PPARD: variants seen among roughly 807,000 people sequenced by gnomAD.
PPARD encodes peroxisome proliferator activated receptor delta, also known as peroxisome proliferator-activated receptor delta.
A neutral mutation model predicts 39.5 loss-of-function variants in PPARD; 6 were observed. That is an observed-to-expected ratio of 0.15 (90% CI 0.08 to 0.30). The LOEUF is 0.30. Ranked by LOEUF, PPARD falls within the 10% of genes least tolerant of loss-of-function variation. PPARD has a pLI of 1.00. For missense variants in PPARD, 397 were observed against 596.8 expected (o/e 0.67, Z 3.49); for synonymous variants, 210 against 231.3 (o/e 0.91, Z 0.83).
At chr6:35,378,930 C>A (rs1027089636) in intron 2 of PPARD, among the ~76,000 whole-genome samples, 1 of 152,086 alleles carries the variant, frequency 6.6e-6, no homozygotes, top group Non-Finnish European at 1.5e-5. Flanking sequence ...GAAGAGAAGG[C>A]AATCGAACCT....
chr6:35,401,151 G>C lies in PPARD; in HGVS notation c.-101-9836G>C, dbSNP rs969516275. Among the ~76,000 whole-genome samples the C allele has an allele frequency of 3.3e-5, 5 of 152,146 alleles. No homozygotes were observed. The highest frequency in any genetic ancestry group is 1.2e-4 in the African/African-American group (5 of 41,432). On this transcript the variant is annotated intron_variant, in intron 2 of 7. Coordinates refer to ENST00000360694, the MANE Select transcript of PPARD (RefSeq NM_006238.5). This position sits in a 1 kb window ranked among gnomAD's most constrained non-coding sequence, Gnocchi z 4.1. ...CTAATTCTGACATTTTACTCAGTGA[G>C]GACACAGGTGGGGCAGCCAGAGAGG... is the stretch of plus-strand genomic sequence containing the variant.
intron 2 of PPARD, among the ~76,000 whole-genome samples, chr6:35,367,442 T>G (rs149132418): frequency 6.6e-6 from 1 of 152,342 alleles, no homozygotes; most frequent in Non-Finnish European, 1.5e-5. Context: ...CGTTCACTTC[T>G]GTTGAAACTC....
At position 35,411,107 on chromosome 6, in the gene PPARD, A is replaced by G; in HGVS notation, c.20A>G (p.Glu7Gly). The G allele has an allele frequency of 6.4e-7, 1 of 1,564,612 alleles. No individual in the cohort carries two copies. Among genetic ancestry groups the G allele is most frequent in the Admixed American group, 1.8e-5 (1 of 54,850 alleles). MEQPQE[E>G]APEVREEEEK... is the part of the protein sequence containing the mutation. Reference sequence around the variant, plus strand: ...TCAGCCATGGAGCAGCCACAGGAGGAAGCCCCTGAGGTCCGGGAAGAGGAG... The same window carrying G: ...TCAGCCATGGAGCAGCCACAGGAGGGAGCCCCTGAGGTCCGGGAAGAGGAG... The change falls in exon 3 of 8, where the codon GAA becomes GGA. Residue 7 changes from glutamate (E) to glycine (G), a missense_variant. Transcript: ENST00000360694.
At chr6:35,355,535 G>A (rs1761525859) in intron 2 of PPARD, among the ~76,000 whole-genome samples, 1 of 112,000 alleles carries the variant, frequency 8.9e-6, no homozygotes, top group South Asian at 3.4e-4. Flanking sequence ...CTGGGTGACA[G>A]AGTAAGGCCC....
intron 2 of PPARD, among the ~76,000 whole-genome samples, chr6:35,375,898 C>T (rs1762786410): frequency 6.6e-6 from 1 of 152,136 alleles, no homozygotes; most frequent in African/African-American, 2.4e-5. Context: ...TTTCTCCCAT[C>T]CTTTTACTTA....
Position 35,424,173 on chromosome 6 carries a change from G to A in PPARD, c.627+25G>A, listed in dbSNP as rs1766412349. On this transcript the variant is annotated intron_variant, in intron 6 of 7. Coordinates refer to ENST00000360694, the MANE Select transcript of PPARD (RefSeq NM_006238.5). The surrounding 1 kb of genome is among the most constrained non-coding windows in gnomAD (Gnocchi z 7.1). Reference sequence around the variant, plus strand: ...GGTGAGTGTTGCTGCTGCTTGGCCTGGCAGCATCCTGGGCTCTGGGTCCCA... The same window carrying A: ...GGTGAGTGTTGCTGCTGCTTGGCCTAGCAGCATCCTGGGCTCTGGGTCCCA... 1 of 1,609,968 alleles carries A rather than the reference G, an allele frequency of 6.2e-7. No individual in the cohort carries two copies. The highest frequency in any genetic ancestry group is 1.3e-5 in the African/African-American group (1 of 74,914).
Position 35,363,724 on chromosome 6 carries a change from A to C in PPARD, c.-102+16574A>C, listed in dbSNP as rs1192437049. Among the ~76,000 whole-genome samples, 1 of 152,174 alleles carries C rather than the reference A, an allele frequency of 6.6e-6. No individual in the cohort carries two copies. Among genetic ancestry groups the C allele is most frequent in the Non-Finnish European group, 1.5e-5 (1 of 68,020 alleles). ...CAGGGGACACAAAAATGGGGGAGAC[A>C]GGCAGCCTTTTGGGGCTGGAGGGCA... On this transcript the variant is annotated intron_variant, in intron 2 of 7. Coordinates refer to ENST00000360694, the MANE Select transcript of PPARD (RefSeq NM_006238.5). The surrounding 1 kb of genome is among the most constrained non-coding windows in gnomAD (Gnocchi z 4.5).
chr6:35,407,491 C>CT (rs1022953311), intron 2 of PPARD, among the ~76,000 whole-genome samples: 33 of 152,012 alleles, frequency 2.2e-4, no homozygotes, highest in Non-Finnish European at 3.4e-4. Flanking sequence ...CATCTCCAGG[C>CT]TTTCAATCTG....
chr6:35,383,253 A>G (rs1001950711), intron 2 of PPARD, among the ~76,000 whole-genome samples: 7 of 152,094 alleles, frequency 4.6e-5, no homozygotes, highest in African/African-American at 1.7e-4. Flanking sequence ...CTAGAGGTGG[A>G]GCAGTTGGGG....
chr6:35,365,561 G>A (rs975226707), intron 2 of PPARD, among the ~76,000 whole-genome samples: 61 of 148,984 alleles, frequency 4.1e-4, no homozygotes, highest in Admixed American at 9.3e-4. Context: ...GCATGATCTC[G>A]GCTTACTGCA....
chr6:35,391,808 A>G (rs1351831030), intron 2 of PPARD, among the ~76,000 whole-genome samples: 1 of 152,152 alleles, frequency 6.6e-6, no homozygotes, highest in African/African-American at 2.4e-5. Context: ...CTGTACGTAT[A>G]AGGAAATAGA....
rs201116556 is a variant in PPARD, at chr6:35,426,402, A to C, written c.*323A>C. The C allele has an allele frequency of 2.6e-5, 10 of 387,744 alleles. No homozygotes were observed. The highest frequency in any genetic ancestry group is 1.1e-4 in the East Asian group (2 of 18,554). The allele number at this position is 387,744 out of a possible 1,614,324, so 24.0% of individuals were successfully genotyped here. On this transcript the variant is annotated 3_prime_UTR_variant, in exon 8 of 8. Coordinates refer to ENST00000360694, the MANE Select transcript of PPARD (RefSeq NM_006238.5). Reference sequence around the variant, plus strand: ...CCCTCCCTTTCTCTCTCCACCCCCCACGTCTGTCCTCCTTTCTTATTCTGT... The same window carrying C: ...CCCTCCCTTTCTCTCTCCACCCCCCCCGTCTGTCCTCCTTTCTTATTCTGT...
chr6:35,349,687 G>T (rs886583853), intron 2 of PPARD, among the ~76,000 whole-genome samples: 2 of 149,986 alleles, frequency 1.3e-5, no homozygotes, highest in Non-Finnish European at 1.5e-5. Flanking sequence ...GTTTGTTTTT[G>T]TTTTTTTTTA....
chr6:35,374,209 A>G (rs1393541430), intron 2 of PPARD, among the ~76,000 whole-genome samples: 1 of 150,616 alleles, frequency 6.6e-6, no homozygotes, highest in East Asian at 1.9e-4. Flanking sequence ...GGAGCCTGGC[A>G]CCACTTTTCA....
At chr6:35,393,184 G>C (rs961188731) in intron 2 of PPARD, among the ~76,000 whole-genome samples, 2 of 152,296 alleles carry the variant, frequency 1.3e-5, no homozygotes, top group African/African-American at 4.8e-5. Flanking sequence ...CTGGCTCATG[G>C]CCACCATCAT....
At chr6:35,364,865 A>G (rs1277141695) in intron 2 of PPARD, among the ~76,000 whole-genome samples, 4 of 151,554 alleles carry the variant, frequency 2.6e-5, no homozygotes, top group Non-Finnish European at 5.9e-5. Context: ...GCATGCCACC[A>G]TGCCCAGCTA....
chr6:35,403,887 G>C (rs571399760), intron 2 of PPARD, among the ~76,000 whole-genome samples: 1 of 152,334 alleles, frequency 6.6e-6, no homozygotes, highest in South Asian at 2.1e-4. Context: ...GGAGTGATGT[G>C]GGATCATGAG....
chr6:35,350,659 T>G (rs1306340196), intron 2 of PPARD, among the ~76,000 whole-genome samples: 4 of 15,738 alleles, frequency 2.5e-4, no homozygotes, highest in Non-Finnish European at 5.1e-4. Flanking sequence ...TTTGCTCTGT[T>G]GCCCAGGATG....
chr6:35,423,755 A>G (rs571351346), intron 5 of PPARD, among the ~76,000 whole-genome samples, 191 bp from the exon 6 acceptor site: 3 of 152,268 alleles, frequency 2.0e-5, no homozygotes, highest in East Asian at 1.9e-4. Flanking sequence ...ACCAAAAAAA[A>G]AAAAAAATCA....
Sources: gnomAD v4.1 joint callset for allele counts (sites outside exome capture counted in the v4.1 genomes callset) on GRCh38, gnomAD v4.1.1 for gene constraint, Gnocchi (gnomAD v3.1) non-coding constraint, MANE v1.5 for transcripts, NCBI Gene and HGNC (gene_info 2026-07-23, HGNC 2026-07-21) for gene names.